Variants in SUCLG1 observed in about 807,000 individuals in gnomAD.
SUCLG1 encodes the protein succinate-CoA ligase GDP/ADP-forming subunit alpha.
Under a neutral mutation model 37.3 loss-of-function variants are expected in SUCLG1, and 26 were observed. That is an observed-to-expected ratio of 0.70 (90% CI 0.51 to 0.97). SUCLG1 has a LOEUF of 0.97. Ranked by LOEUF, SUCLG1 falls within the 50% of genes least tolerant of loss-of-function variation. The probability of loss-of-function intolerance (pLI) is 0.00; values close to 1 mark genes in which losing one functional copy is unlikely to be tolerated. For missense variants in SUCLG1, 433 were observed against 432.9 expected (o/e 1.00, Z 0.00); for synonymous variants, 163 against 155.6 (o/e 1.05, Z -0.36).
chr2:84,455,850 A>AAG (rs2104271049), intron 1 of SUCLG1, among the ~76,000 whole-genome samples: 1 of 151,922 alleles, frequency 6.6e-6, no homozygotes, highest in East Asian at 1.9e-4. Flanking sequence ...CAAAAAAAAA[A>AAG]AAAAAAAATG....
At chr2:84,428,915 C>G (rs1435852044) in intron 7 of SUCLG1, among the ~76,000 whole-genome samples, 1 of 152,176 alleles carries the variant, frequency 6.6e-6, no homozygotes, top group Non-Finnish European at 1.5e-5. Context: ...CACCCCAGTT[C>G]GTTTGCTGTA....
intron 1 of SUCLG1, among the ~76,000 whole-genome samples, chr2:84,454,240 A>T (rs920593437): frequency 6.6e-6 from 1 of 152,256 alleles, no homozygotes; most frequent in Non-Finnish European, 1.5e-5. Context: ...ATGTTTATTT[A>T]TAAACATACT....
chr2:84,453,535 C>T (rs779533401), intron 1 of SUCLG1, among the ~76,000 whole-genome samples: 1 of 152,126 alleles, frequency 6.6e-6, no homozygotes, highest in Non-Finnish European at 1.5e-5. Context: ...CTGCCTCAGC[C>T]TCCTGAGTAT....
chr2:84,429,056 T>C (rs1672577491), intron 7 of SUCLG1, among the ~76,000 whole-genome samples: 1 of 152,220 alleles, frequency 6.6e-6, no homozygotes, highest in African/African-American at 2.4e-5. Context: ...TTATCATCAT[T>C]GTAATGATAA....
intron 5 of SUCLG1, among the ~76,000 whole-genome samples, chr2:84,435,516 G>A (rs1401886476): frequency 6.6e-6 from 1 of 152,210 alleles, no homozygotes; most frequent in Non-Finnish European, 1.5e-5. Context: ...GCAAGCAGGG[G>A]AGCCCTGGGA....
chr2:84,433,519 A>G (rs567509032), intron 5 of SUCLG1, 84 bp from the exon 6 acceptor site: 15 of 1,071,748 alleles, frequency 1.4e-5, no homozygotes, highest in Non-Finnish European at 2.0e-5. Flanking sequence ...AAACACTTCG[A>G]GTGACTAACA....
At chr2:84,449,571 A>T in intron 2 of SUCLG1, 78 bp downstream of exon 2, 1 of 971,508 alleles carries the variant, frequency 1.0e-6, no homozygotes, top group Non-Finnish European at 1.5e-6. Flanking sequence ...GTTATTTTTG[A>T]GATATTAAAA....
intron 7 of SUCLG1, 49 bp downstream of exon 7, chr2:84,431,459 C>T: frequency 1.9e-6 from 3 of 1,607,288 alleles, no homozygotes; most frequent in South Asian, 1.1e-5. Context: ...CTGAAACAAG[C>T]CTCTGATATT....
intron 5 of SUCLG1, among the ~76,000 whole-genome samples, chr2:84,434,659 A>T (rs1672658868): frequency 1.3e-5 from 2 of 152,194 alleles, no homozygotes; most frequent in South Asian, 4.1e-4. Flanking sequence ...ACTCTGAAGA[A>T]CTCAGAAGAC....
At chr2:84,456,884 G>T (rs1558616632) in intron 1 of SUCLG1, among the ~76,000 whole-genome samples, 1 of 152,014 alleles carries the variant, frequency 6.6e-6, no homozygotes, top group Admixed American at 6.6e-5. Context: ...GGCTGGTCTT[G>T]AACTCCTGAC....
chr2:84,451,978 T>G (rs1043101307), intron 1 of SUCLG1, among the ~76,000 whole-genome samples: 2 of 152,196 alleles, frequency 1.3e-5, no homozygotes, highest in Non-Finnish European at 2.9e-5. Flanking sequence ...ACCTGTATGA[T>G]GCCAGACAAG....
intron 2 of SUCLG1, among the ~76,000 whole-genome samples, chr2:84,444,540 A>T (rs1190860235): frequency 6.6e-6 from 1 of 151,436 alleles, no homozygotes. Flanking sequence ...CCACAGGACC[A>T]CAGGACCGGG....
Position 84,441,099 on chromosome 2 carries a change from T to C in SUCLG1, c.537A>G (p.Gly179=), listed in dbSNP as rs1553393580. ...GPNCPGVINP[G]ECKIGIMPGH... Reference sequence around the variant, plus strand: ...CAGGCATGATGCCAATTTTACATTCTCCAGGCTGAAAGTAATCATAGTTTT... The same window carrying C: ...CAGGCATGATGCCAATTTTACATTCCCCAGGCTGAAAGTAATCATAGTTTT... Residue 179 remains glycine, a synonymous_variant, in exon 5 of 9, where the codon GGA becomes GGG. Coordinates refer to ENST00000393868, the MANE Select transcript of SUCLG1 (RefSeq NM_003849.4). 6.2e-7 allele frequency: 1 copy of C among 1,614,072 alleles called. No homozygotes were observed. Among genetic ancestry groups the C allele is most frequent in the Admixed American group, 1.7e-5 (1 of 60,020 alleles).
chr2:84,450,758 T>G (rs1329295496), intron 1 of SUCLG1, among the ~76,000 whole-genome samples: 1 of 152,198 alleles, frequency 6.6e-6, no homozygotes, highest in Non-Finnish European at 1.5e-5. Flanking sequence ...GCTTTCTGCC[T>G]TAAATCACTG....
intron 1 of SUCLG1, among the ~76,000 whole-genome samples, chr2:84,455,619 A>G (rs1673007597): frequency 6.6e-6 from 1 of 152,078 alleles, no homozygotes; most frequent in Non-Finnish European, 1.5e-5. Flanking sequence ...GCGGATCACA[A>G]TGTCAGGAGA....
chr2:84,445,040 G>A (rs1425047318), intron 2 of SUCLG1, among the ~76,000 whole-genome samples: 1 of 152,112 alleles, frequency 6.6e-6, no homozygotes, highest in Non-Finnish European at 1.5e-5. Flanking sequence ...GGGTCCTGAG[G>A]CGACATACAT....
intron 1 of SUCLG1, among the ~76,000 whole-genome samples, chr2:84,451,263 T>C (rs527643328): frequency 1.1e-4 from 16 of 151,956 alleles, no homozygotes; most frequent in African/African-American, 3.6e-4. Flanking sequence ...TCCCATTGCA[T>C]CTTCAACAAA....
At chr2:84,456,363 T>C (rs1673020349) in intron 1 of SUCLG1, among the ~76,000 whole-genome samples, 1 of 152,198 alleles carries the variant, frequency 6.6e-6, no homozygotes, top group Non-Finnish European at 1.5e-5. Flanking sequence ...ACTTTTGGGA[T>C]TTCCTCATCT....
intron 1 of SUCLG1, among the ~76,000 whole-genome samples, chr2:84,450,412 G>GGA (rs1558614484): frequency 2.9e-5 from 3 of 103,428 alleles, no homozygotes; most frequent in Admixed American, 9.5e-5. Flanking sequence ...AGCTTGTTAG[G>GGA]AAAAAAAAAA....
Sources: allele counts gnomAD v4.1 joint callset (sites outside exome capture counted in the v4.1 genomes callset), GRCh38; gene constraint gnomAD v4.1.1; transcripts MANE v1.5; gene names NCBI Gene and HGNC (gene_info 2026-07-23, HGNC 2026-07-21).